The following PTPN1 variants were observed in gnomAD, a reference collection of about 807,000 sequenced individuals.
PTPN1 encodes the protein tyrosine-protein phosphatase non-receptor type 1.
PTPN1 carries 12 observed loss-of-function variants against 59.9 expected under a neutral mutation model. The observed-to-expected ratio is 0.20, with a 90% CI of 0.13 to 0.32. The LOEUF (loss-of-function observed/expected upper bound fraction) is 0.32, where lower values mean the gene tolerates loss of function less well. PTPN1 is among the 10% of genes least tolerant of loss of function. The pLI, the probability that PTPN1 is intolerant of heterozygous loss-of-function variation, is 1.00. For missense variants in PTPN1, 356 were observed against 549.2 expected (o/e 0.65, Z 3.52); for synonymous variants, 178 against 203.6 (o/e 0.87, Z 1.07).
chr20:50,571,922 A>G (rs572010927), intron 4 of PTPN1: 79 of 152,310 alleles, frequency 5.2e-4, no homozygotes, highest in African/African-American at 1.7e-3. Context: ...GCTTTCATGC[A>G]CAAGACACTG....
At chr20:50,538,868 T>A (rs1338459323) in intron 1 of PTPN1, among the ~76,000 whole-genome samples, 1 of 152,166 alleles carries the variant, frequency 6.6e-6, no homozygotes, top group Non-Finnish European at 1.5e-5. Flanking sequence ...CTGCTACCTA[T>A]AAAAGCAATA....
intron 3 of PTPN1, among the ~76,000 whole-genome samples, chr20:50,567,485 GAGA>G (rs1195926918): frequency 1.3e-5 from 2 of 152,154 alleles, no homozygotes; most frequent in Non-Finnish European, 2.9e-5. Flanking sequence ...TGGAAACCAT[GAGA>G]AGAAGTGATG....
At chr20:50,575,638 T>C (rs143415519) in intron 5 of PTPN1, among the ~76,000 whole-genome samples, 176 of 152,336 alleles carry the variant, frequency 1.2e-3, no homozygotes, top group African/African-American at 4.0e-3. Flanking sequence ...TCATAGTTGA[T>C]GTAAGCCAGG....
intron 1 of PTPN1, among the ~76,000 whole-genome samples, chr20:50,557,217 T>A (rs924533151): frequency 1.3e-5 from 2 of 152,212 alleles, no homozygotes; most frequent in Non-Finnish European, 2.9e-5. Context: ...TTATCTTTTT[T>A]AAATTTATAA....
chr20:50,514,606 T>C (rs2082521156), intron 1 of PTPN1, among the ~76,000 whole-genome samples: 1 of 152,186 alleles, frequency 6.6e-6, no homozygotes, highest in Admixed American at 6.5e-5. Context: ...CTTCAAGCGA[T>C]CCTCCCACCT....
intron 8 of PTPN1, 86 bp downstream of exon 8, chr20:50,580,012 A>G: frequency 7.9e-7 from 1 of 1,260,296 alleles, no homozygotes; most frequent in South Asian, 1.3e-5. Flanking sequence ...AACCCTGTGG[A>G]TGCAGCCTCC....
chr20:50,520,371 CAAAAA>C (rs11474492), intron 1 of PTPN1, among the ~76,000 whole-genome samples: 1 of 131,420 alleles, frequency 7.6e-6, no homozygotes, highest in Non-Finnish European at 1.6e-5. Flanking sequence ...AACTCTGTCT[CAAAAA>C]AAAAAAAAAA....
intron 8 of PTPN1, 51 bp from the exon 9 acceptor site, chr20:50,581,214 C>T (rs1324597042): frequency 1.3e-6 from 2 of 1,536,690 alleles, no homozygotes; most frequent in South Asian, 2.5e-5. Context: ...GCATCCTTGC[C>T]ATTCATTTTC....
intron 1 of PTPN1, among the ~76,000 whole-genome samples, chr20:50,553,871 GT>G (rs1377850111): frequency 6.6e-6 from 1 of 152,120 alleles, no homozygotes; most frequent in African/African-American, 2.4e-5. Flanking sequence ...AGGATTAATA[GT>G]TTAGGCACTG....
intron 1 of PTPN1, among the ~76,000 whole-genome samples, chr20:50,560,792 G>A (rs1008078111): frequency 1.3e-5 from 2 of 152,038 alleles, no homozygotes; most frequent in Non-Finnish European, 2.9e-5. Context: ...ATTGTTTAAT[G>A]TGATTATCGT....
intron 1 of PTPN1, among the ~76,000 whole-genome samples, chr20:50,512,331 C>T (rs2082511088): frequency 6.6e-6 from 1 of 152,138 alleles, no homozygotes; most frequent in Non-Finnish European, 1.5e-5. Flanking sequence ...AAGTCTTTTC[C>T]ACTGAAATTG....
At chr20:50,574,782 T>G in intron 5 of PTPN1, 128 bp downstream of exon 5, 1 of 1,238,072 alleles carries the variant, frequency 8.1e-7, no homozygotes, top group Non-Finnish European at 1.1e-6. Context: ...AGATGTGGTT[T>G]GGGCACTGTG....
chr20:50,552,059 T>C (rs1014703260), intron 1 of PTPN1, among the ~76,000 whole-genome samples: 17 of 152,332 alleles, frequency 1.1e-4, no homozygotes, highest in African/African-American at 3.8e-4. Context: ...TCATTAGTCA[T>C]GAATCTGCTT....
At chr20:50,559,949 G>C (rs1159753772) in intron 1 of PTPN1, among the ~76,000 whole-genome samples, 1 of 151,846 alleles carries the variant, frequency 6.6e-6, no homozygotes, top group Non-Finnish European at 1.5e-5. Context: ...GCATGTGGTG[G>C]AGAGTAGGGG....
chr20:50,573,890 C>T (rs1369288081), intron 4 of PTPN1: 1 of 152,218 alleles, frequency 6.6e-6, no homozygotes, highest in Admixed American at 6.5e-5. Flanking sequence ...TACATTTAAA[C>T]TGAGAACATC....
rs188226914 is a variant in PTPN1, at chr20:50,516,130, C to T, written c.63+5540C>T. Reference sequence around the variant, plus strand: ...TCCTGACTGGTTCTCACAAGCCTAGCGGGCCTTTGCATGTGGTTGGTTCAT... The same window carrying T: ...TCCTGACTGGTTCTCACAAGCCTAGTGGGCCTTTGCATGTGGTTGGTTCAT... On this transcript the variant is annotated intron_variant, in intron 1 of 9. Transcript: ENST00000371621. Among the ~76,000 whole-genome samples the T allele has an allele frequency of 3.3e-4, 50 of 152,138 alleles. 1 individual carries two copies. In the South Asian group the frequency reaches 8.4e-3, roughly 25 times the overall value.
At chr20:50,574,459 C>T in intron 4 of PTPN1, 58 bp from the exon 5 acceptor site, 1 of 1,499,424 alleles carries the variant, frequency 6.7e-7, no homozygotes, top group Non-Finnish European at 8.9e-7. Flanking sequence ...TCCAAGCCTC[C>T]TGCCATAGAA....
chr20:50,525,190 G>C (rs1159513506), intron 1 of PTPN1, among the ~76,000 whole-genome samples: 2 of 151,994 alleles, frequency 1.3e-5, no homozygotes, highest in African/African-American at 4.8e-5. Context: ...CTCCTGAGTA[G>C]CTGGGATTAC....
chr20:50,579,957 T>C, intron 8 of PTPN1, 31 bp downstream of exon 8: 1 of 1,581,570 alleles, frequency 6.3e-7, no homozygotes, highest in East Asian at 2.2e-5. Flanking sequence ...CTTGTTGGGG[T>C]GAGGGGAAAT....
Sources: allele counts gnomAD v4.1 joint callset (sites outside exome capture counted in the v4.1 genomes callset), GRCh38; gene constraint gnomAD v4.1.1; transcripts MANE v1.5; gene names NCBI Gene and HGNC (gene_info 2026-07-23, HGNC 2026-07-21).